The following CHD6 variants were observed in gnomAD, a reference collection of about 807,000 sequenced individuals.
The protein encoded by CHD6 is ATP-dependent chromatin remodeler CHD6.
A neutral mutation model predicts 276.9 loss-of-function variants in CHD6; 50 were observed. The ratio of observed to expected loss-of-function variants is 0.18; its 90% CI spans 0.14 to 0.23. The LOEUF is 0.23. Among genes scored for constraint, CHD6 ranks in the 10% least tolerant of loss-of-function variants. The probability of loss-of-function intolerance (pLI) is 1.00; values close to 1 mark genes in which losing one functional copy is unlikely to be tolerated. For missense variants in CHD6, 2,564 were observed against 3,365.8 expected (o/e 0.76, Z 5.89); for synonymous variants, 1,173 against 1,229.3 (o/e 0.95, Z 0.96).
chr20:41,591,132 G>A (rs1382789104), intron 1 of CHD6, among the ~76,000 whole-genome samples: 1 of 146,732 alleles, frequency 6.8e-6, no homozygotes, highest in Non-Finnish European at 1.5e-5. Context: ...AATGCTGCAT[G>A]TTCTCACTCA....
At chr20:41,465,711 G>T (rs1336075330) in intron 17 of CHD6, among the ~76,000 whole-genome samples, 1 of 152,168 alleles carries the variant, frequency 6.6e-6, no homozygotes, top group Non-Finnish European at 1.5e-5. Flanking sequence ...AACATTAAGG[G>T]AAGCTGGGTG....
intron 5 of CHD6, among the ~76,000 whole-genome samples, chr20:41,504,749 A>AGTTAT (rs1198337560): frequency 6.6e-6 from 1 of 152,020 alleles, no homozygotes; most frequent in African/African-American, 2.4e-5. Flanking sequence ...AGTTATTTTA[A>AGTTAT]AGTTCTTTCC....
intron 5 of CHD6, 24 bp from the exon 6 acceptor site, chr20:41,499,381 A>AG: frequency 6.5e-7 from 1 of 1,542,428 alleles, no homozygotes; most frequent in South Asian, 1.2e-5. Context: ...TAAAAAAAAA[A>AG]GAAAATTGCT....
chr20:41,591,797 C>T (rs1339447195), intron 1 of CHD6, among the ~76,000 whole-genome samples: 1 of 152,126 alleles, frequency 6.6e-6, no homozygotes, highest in Non-Finnish European at 1.5e-5. Flanking sequence ...GACCACTCCA[C>T]TAAGGTATAA....
chr20:41,467,808 TAAAA>T (rs11470704), intron 17 of CHD6, among the ~76,000 whole-genome samples: 13 of 138,058 alleles, frequency 9.4e-5, no homozygotes, highest in African/African-American at 1.6e-4. Context: ...AGAAAGGAGT[TAAAA>T]AAAAAAAAAA....
chr20:41,533,008 C>A, intron 3 of CHD6, 42 bp downstream of exon 3: 2 of 1,538,036 alleles, frequency 1.3e-6, no homozygotes, highest in Non-Finnish European at 1.7e-6. Flanking sequence ...TCGTTCTGCA[C>A]TGGCATAGGC....
At chr20:41,484,791 G>A (rs971028304) in intron 14 of CHD6, among the ~76,000 whole-genome samples, 184 bp from the exon 15 acceptor site, 8 of 152,128 alleles carry the variant, frequency 5.3e-5, no homozygotes, top group Non-Finnish European at 1.5e-5. Context: ...GGGAATAAGG[G>A]ATATGATTTT....
At chr20:41,551,407 T>G (rs2045144259) in intron 1 of CHD6, 47 bp from the exon 2 acceptor site, 3 of 857,542 alleles carry the variant, frequency 3.5e-6, no homozygotes, top group Non-Finnish European at 5.6e-6. Context: ...AAACCCAAAA[T>G]AAAACATTTT....
chr20:41,543,748 A>G (rs1047058215), intron 2 of CHD6, among the ~76,000 whole-genome samples: 2 of 152,212 alleles, frequency 1.3e-5, no homozygotes, highest in Admixed American at 6.5e-5. Flanking sequence ...GTAGTTTGTT[A>G]GCAGTAGACA....
intron 31 of CHD6, among the ~76,000 whole-genome samples, chr20:41,419,084 C>T (rs986999955): frequency 2.0e-5 from 3 of 152,144 alleles, no homozygotes; most frequent in East Asian, 1.9e-4. Context: ...AGCAATGCTT[C>T]GTGGCCTGCC....
At chr20:41,505,201 A>G (rs890859906) in intron 5 of CHD6, among the ~76,000 whole-genome samples, 3 of 152,202 alleles carry the variant, frequency 2.0e-5, no homozygotes, top group Non-Finnish European at 1.5e-5. Flanking sequence ...AAATATCTTA[A>G]GCAAGAGTCA....
At chr20:41,500,133 T>C (rs2043796206) in intron 5 of CHD6, among the ~76,000 whole-genome samples, 1 of 152,188 alleles carries the variant, frequency 6.6e-6, no homozygotes, top group African/African-American at 2.4e-5. Flanking sequence ...CAGTGGTTCA[T>C]ATGCACAATG....
chr20:41,533,002 T>C, intron 3 of CHD6, 48 bp downstream of exon 3: 1 of 1,532,598 alleles, frequency 6.5e-7, no homozygotes, highest in Non-Finnish European at 8.7e-7. Flanking sequence ...GGCAAATCGT[T>C]CTGCACTGGC....
At chr20:41,493,973 A>T (rs1284405117) in intron 8 of CHD6, 29 bp from the exon 9 acceptor site, 4 of 1,562,084 alleles carry the variant, frequency 2.6e-6, no homozygotes, top group Non-Finnish European at 3.5e-6. Context: ...AACAGTTAGG[A>T]AGTATGTCCC....
At chr20:41,498,104 A>T in intron 7 of CHD6, 64 bp downstream of exon 7, 1 of 1,117,754 alleles carries the variant, frequency 8.9e-7, no homozygotes, top group Non-Finnish European at 1.4e-6. Context: ...TAATAAAGTC[A>T]CAAGAGAAAA....
chr20:41,591,426 A>T (rs1309068195), intron 1 of CHD6, among the ~76,000 whole-genome samples: 1 of 151,724 alleles, frequency 6.6e-6, no homozygotes, highest in African/African-American at 2.4e-5. Flanking sequence ...ATACATATAT[A>T]TATAAAAGAA....
intron 18 of CHD6, 41 bp from the exon 19 acceptor site, chr20:41,456,020 T>C (rs780656732): frequency 1.4e-6 from 2 of 1,460,402 alleles, no homozygotes; most frequent in South Asian, 3.1e-5. Context: ...GTGGAAAATG[T>C]ATAGGAGAAA....
At chr20:41,504,366 T>C (rs2043921759) in intron 5 of CHD6, among the ~76,000 whole-genome samples, 1 of 151,134 alleles carries the variant, frequency 6.6e-6, no homozygotes, top group Admixed American at 6.6e-5. Flanking sequence ...GAAGTCTTCA[T>C]TTTAAAATTC....
intron 25 of CHD6, among the ~76,000 whole-genome samples, chr20:41,440,339 A>G (rs2145598865): frequency 6.6e-6 from 1 of 152,346 alleles, no homozygotes; most frequent in South Asian, 2.1e-4. Context: ...CCAACAAACA[A>G]TGGCTTACGG....
Sources: allele counts gnomAD v4.1 joint callset (sites outside exome capture counted in the v4.1 genomes callset), GRCh38; gene constraint gnomAD v4.1.1; transcripts MANE v1.5; gene names NCBI Gene and HGNC (gene_info 2026-07-23, HGNC 2026-07-21).